Variants in SVEP1 observed in about 807,000 individuals in gnomAD.
SVEP1 encodes the protein sushi, von Willebrand factor type A, EGF and pentraxin domain containing 1.
A neutral mutation model predicts 367.3 loss-of-function variants in SVEP1; 164 were observed. The observed-to-expected ratio is 0.45, with a 90% CI of 0.39 to 0.51. The LOEUF (loss-of-function observed/expected upper bound fraction) is 0.51. Ranked by LOEUF, SVEP1 falls within the 20% of genes least tolerant of loss-of-function variation. The pLI, the probability that SVEP1 is intolerant of heterozygous loss-of-function variation, is 0.00. For missense variants in SVEP1, 4,117 were observed against 4,425.3 expected (o/e 0.93, Z 1.98); for synonymous variants, 1,666 against 1,611.6 (o/e 1.03, Z -0.81).
At chr9:110,492,195 A>G (rs533557389) in intron 8 of SVEP1, among the ~76,000 whole-genome samples, 2 of 152,294 alleles carry the variant, frequency 1.3e-5, no homozygotes, top group South Asian at 4.1e-4. Flanking sequence ...CATAAGAGAG[A>G]AAAGTCATGG....
At chr9:110,443,373 A>G (rs1488922495) in intron 27 of SVEP1, 172 bp downstream of exon 27, 4 of 562,238 alleles carry the variant, frequency 7.1e-6, no homozygotes, top group Non-Finnish European at 1.1e-5. Flanking sequence ...CTTACTTAGG[A>G]AAAAAGCTTC....
chr9:110,501,636 C>A (rs1048803094), intron 6 of SVEP1, among the ~76,000 whole-genome samples: 2 of 151,908 alleles, frequency 1.3e-5, no homozygotes, highest in Non-Finnish European at 2.9e-5. Context: ...TTTTCTTTTG[C>A]CAAATTTGAT....
chr9:110,369,978 C>T lies in SVEP1; in HGVS notation c.10639G>A (p.Val3547Ile), dbSNP rs192794123. The change falls in exon 47 of 48, where the codon GTA becomes ATA. Residue 3547 changes from valine (V) to isoleucine (I), a missense_variant. Physicochemically the swap from Val to Ile is conservative, Grantham distance 29. Coordinates refer to ENST00000374469, the MANE Select transcript of SVEP1 (RefSeq NM_153366.4). ...QSPCLNGGKC[V>I]RPNRCHCLSS... ...AGACAGTGACATCGGTTTGGTCTTA[C>T]ACATTTTCCACCATTTAAGCAGGGA... The T allele has an allele frequency of 1.4e-5, 23 of 1,613,160 alleles. No homozygotes were observed. Among genetic ancestry groups the T allele is most frequent in the Non-Finnish European group, 1.9e-5 (22 of 1,179,556 alleles).
At chr9:110,521,652 C>T (rs1226319965) in intron 3 of SVEP1, among the ~76,000 whole-genome samples, 1 of 152,090 alleles carries the variant, frequency 6.6e-6, no homozygotes, top group African/African-American at 2.4e-5. Context: ...TTAAATGAAT[C>T]CTTTGTTGTT....
intron 40 of SVEP1, among the ~76,000 whole-genome samples, chr9:110,394,053 T>G (rs1169470868): frequency 6.6e-6 from 1 of 152,326 alleles, no homozygotes; most frequent in East Asian, 1.9e-4. Flanking sequence ...ACAGGCAGAC[T>G]GCCTCCTCAA....
At chr9:110,379,604 A>AAAAAT (rs1278999217) in intron 43 of SVEP1, 87 bp from the exon 44 acceptor site, 2 of 1,362,346 alleles carry the variant, frequency 1.5e-6, no homozygotes, top group East Asian at 4.8e-5. Flanking sequence ...ATTAAAGAGC[A>AAAAAT]AAAATAAAAT....
At chr9:110,416,034 C>G (rs1006211968) in intron 36 of SVEP1, among the ~76,000 whole-genome samples, 1 of 151,924 alleles carries the variant, frequency 6.6e-6, no homozygotes, top group Non-Finnish European at 1.5e-5. Flanking sequence ...TGGTGATACT[C>G]CCGAAACACC....
At chr9:110,450,016 T>TA (rs1340895111) in intron 24 of SVEP1, 43 bp downstream of exon 24, 2 of 1,604,890 alleles carry the variant, frequency 1.2e-6, no homozygotes, top group Non-Finnish European at 1.7e-6. Flanking sequence ...CTGAATAGTT[T>TA]AAAAAATAAA....
intron 14 of SVEP1, 30 bp downstream of exon 14, chr9:110,476,174 C>A: frequency 7.1e-7 from 1 of 1,414,582 alleles, no homozygotes; most frequent in South Asian, 1.2e-5. Context: ...ATTAGTCTTG[C>A]CAACTACCGA....
In SVEP1 at chr9:110,559,899, TAAG is replaced by T. The variant is rs556867161; in HGVS notation, c.532-9798_532-9796del. Reference sequence around the variant, plus strand: ...TGATATTATTGAACACTATTAAATTTAAGAAGTAGGCAACCAAACACAATGATT... The same window carrying T: ...TGATATTATTGAACACTATTAAATTTAAGTAGGCAACCAAACACAATGATT... On this transcript the variant is annotated intron_variant, in intron 1 of 47. Transcript: ENST00000374469. 3.3e-4 allele frequency among the ~76,000 whole-genome samples: 50 copies of T among 152,268 alleles called. 3 individuals carry two copies. In the Middle Eastern group the frequency reaches 0.014, roughly 41 times the overall value.
rs543245578 is a variant in SVEP1 at position 110,484,827 on chromosome 9, G to A, written c.1931-1134C>T. Among the ~76,000 whole-genome samples the A allele has an allele frequency of 9.2e-5, 14 of 152,014 alleles. 1 individual carries two copies. In the South Asian group the frequency reaches 2.9e-3, roughly 32 times the overall value. On this transcript the variant is annotated intron_variant, in intron 9 of 47. Coordinates refer to ENST00000374469, the MANE Select transcript of SVEP1 (RefSeq NM_153366.4). ...ATATTTATGCGGCCAACAAACATATGAAAAAAAGCTCATTATCACTGATCA... is the reference window on the plus strand; with the variant it reads ...ATATTTATGCGGCCAACAAACATATAAAAAAAAGCTCATTATCACTGATCA...
intron 3 of SVEP1, among the ~76,000 whole-genome samples, chr9:110,527,123 C>G (rs1829948738): frequency 6.6e-6 from 1 of 152,054 alleles, no homozygotes; most frequent in African/African-American, 2.4e-5. Context: ...GAAACCATAT[C>G]GATGTCAATA....
At position 110,429,169 on chromosome 9, in the gene SVEP1, T is replaced by C; in HGVS notation, c.5781A>G (p.Ala1927=). The C allele has an allele frequency of 6.3e-7, 1 of 1,597,566 alleles. No individual in the cohort carries two copies. Among genetic ancestry groups the C allele is most frequent in the Non-Finnish European group, 8.5e-7 (1 of 1,171,396 alleles). Residue 1927 remains alanine (A), a synonymous_variant, in exon 35 of 48, where the codon GCA becomes GCG. Coordinates refer to ENST00000374469, the MANE Select transcript of SVEP1 (RefSeq NM_153366.4). Reference sequence around the variant, plus strand: ...TGTATCCTGTATCGCATGAATATGATGCAGTAGAAAGGTAGGTAAGCCCAC... The same window carrying C: ...TGTATCCTGTATCGCATGAATATGACGCAGTAGAAAGGTAGGTAAGCCCAC... ...ILSGLTYLST[A]SYSCDTGYSL...
intron 1 of SVEP1, among the ~76,000 whole-genome samples, chr9:110,574,645 TTTAG>T (rs1246851137): frequency 6.6e-5 from 10 of 152,202 alleles, no homozygotes; most frequent in African/African-American, 2.4e-4. Flanking sequence ...AATCTTATAT[TTTAG>T]TTATACCTAA....
intron 1 of SVEP1, among the ~76,000 whole-genome samples, chr9:110,575,125 G>A (rs1483035539): frequency 6.6e-6 from 1 of 152,166 alleles, no homozygotes; most frequent in African/African-American, 2.4e-5. Context: ...TCAAAGGGAA[G>A]ATCAGCTAAT....
chr9:110,456,296 T>A (rs75891206), intron 21 of SVEP1, among the ~76,000 whole-genome samples: 3,342 of 152,298 alleles, frequency 0.022, 140 homozygotes, highest in African/African-American at 0.076. Context: ...TCCAGCAATC[T>A]GTGTTTTTAA....
intron 40 of SVEP1, among the ~76,000 whole-genome samples, chr9:110,391,056 A>G (rs1827647172): frequency 6.6e-6 from 1 of 152,138 alleles, no homozygotes; most frequent in Non-Finnish European, 1.5e-5. Context: ...TTATAACCAT[A>G]ACATTATCAC....
At chr9:110,528,166 A>G (rs1376643281) in intron 3 of SVEP1, among the ~76,000 whole-genome samples, 68 of 119,714 alleles carry the variant, frequency 5.7e-4, no homozygotes, top group Admixed American at 9.8e-4. Flanking sequence ...GTATATATAT[A>G]TATATATATA....
At chr9:110,384,939 A>T (rs550161983) in intron 43 of SVEP1, among the ~76,000 whole-genome samples, 1 of 152,306 alleles carries the variant, frequency 6.6e-6, no homozygotes, top group African/African-American at 2.4e-5. Context: ...CTTGGACAAC[A>T]AATGAGCCTG....
Sources: gnomAD v4.1 joint callset for allele counts (sites outside exome capture counted in the v4.1 genomes callset) on GRCh38, gnomAD v4.1.1 for gene constraint, MANE v1.5 for transcripts, NCBI Gene and HGNC (gene_info 2026-07-23, HGNC 2026-07-21) for gene names.